PLAGL1: variants seen among roughly 807,000 people sequenced by gnomAD.
PLAGL1 encodes zinc finger protein PLAGL1.
Under a neutral mutation model 4.6 loss-of-function variants are expected in PLAGL1, and 1 was observed. That is an observed-to-expected ratio of 0.22 (90% confidence interval 0.08 to 1.03). The LOEUF (loss-of-function observed/expected upper bound fraction) is 1.03. Ranked by LOEUF, PLAGL1 falls within the 50% of genes least tolerant of loss-of-function variation. The probability of loss-of-function intolerance (pLI) is 0.58; values close to 1 mark genes in which losing one functional copy is unlikely to be tolerated. For synonymous variants in PLAGL1, 240 were observed against 237.8 expected (o/e 1.01, Z -0.08); for missense variants, 464 against 570.4 (o/e 0.81, Z 1.90).
Position 143,941,435 on chromosome 6 carries a change from C to A in PLAGL1, c.1381G>T (p.Ala461Ser). The change falls in exon 8 of 8, where the codon GCA becomes TCA. Residue 461 changes from alanine to serine, a missense_variant. By Grantham distance (99) the Ala-to-Ser change is moderately conservative. Coordinates refer to ENST00000674357, the MANE Select transcript of PLAGL1 (RefSeq NM_001317162.2). This position sits in a 1 kb window ranked among gnomAD's most constrained non-coding sequence, Gnocchi z 6.0. Reference sequence around the variant, plus strand: ...ACTTTAAAAATCAATTATCTGAATGCATGATGGAAATGAGGCAGGATGGCA... The same window carrying A: ...ACTTTAAAAATCAATTATCTGAATGAATGATGGAAATGAGGCAGGATGGCA... ...GSAILPHFHH[A>S]FR 1 of 1,499,236 alleles carries A rather than the reference C, an allele frequency of 6.7e-7. No individual in the cohort carries two copies. Among genetic ancestry groups the A allele is most frequent in the East Asian group, 2.3e-5 (1 of 43,356 alleles). The allele number at this position is 1,499,236 out of a possible 1,614,324, so 92.9% of individuals were successfully genotyped here.
At chr6:144,062,370 C>G (rs1366146892) in intron 1 of PLAGL1, among the ~76,000 whole-genome samples, 1 of 145,214 alleles carries the variant, frequency 6.9e-6, no homozygotes, top group African/African-American at 2.6e-5. Context: ...GAGTGAGACT[C>G]CGTCTCAAAC....
intron 2 of PLAGL1, among the ~76,000 whole-genome samples, chr6:143,977,275 T>C (rs1235969230): frequency 6.6e-6 from 1 of 152,112 alleles, no homozygotes; most frequent in Non-Finnish European, 1.5e-5. Context: ...TATAACATCA[T>C]ACAGAGAAGT....
rs767350739 is a variant in PLAGL1 at position 143,950,301 on chromosome 6, C to T, written c.-324-1841G>A. The stretch of plus-strand genomic sequence containing the variant: ...TACCTGTCCCGGCTCTGCCCAAACC[C>T]CTTTCCCCCAACCCCTGGTTCCCTT... On this transcript the variant is annotated intron_variant, in intron 6 of 7. Transcript: ENST00000674357. This position sits in a 1 kb window ranked among gnomAD's most constrained non-coding sequence, Gnocchi z 6.3. 6.6e-6 allele frequency among the ~76,000 whole-genome samples: 1 copy of T among 152,158 alleles called. No homozygotes were observed. The highest frequency in any genetic ancestry group is 1.5e-5 in the Non-Finnish European group (1 of 68,024).
intron 1 of PLAGL1, among the ~76,000 whole-genome samples, chr6:144,038,586 G>A (rs1005428128): frequency 1.3e-5 from 2 of 151,916 alleles, no homozygotes; most frequent in African/African-American, 4.8e-5. Flanking sequence ...GGAAAGAATA[G>A]TTTTTTTTCA....
At position 143,966,313 on chromosome 6, in the gene PLAGL1, T is replaced by C. The variant is rs1183665588; in HGVS notation, c.-471-115A>G. Reference sequence around the variant, plus strand: ...GAGAGAGCAGACATACAGATTATCCTCCTGGATTTATCAGTTATATACATT... The same window carrying C: ...GAGAGAGCAGACATACAGATTATCCCCCTGGATTTATCAGTTATATACATT... On this transcript the variant is annotated intron_variant, in intron 3 of 7. Coordinates refer to ENST00000674357, the MANE Select transcript of PLAGL1 (RefSeq NM_001317162.2). This position sits in a 1 kb window ranked among gnomAD's most constrained non-coding sequence, Gnocchi z 6.0. The C allele has an allele frequency of 6.6e-6, 1 of 152,210 alleles. No homozygotes were observed. Among genetic ancestry groups the C allele is most frequent in the African/African-American group, 2.4e-5 (1 of 41,452 alleles). The allele number at this position is 152,210 out of a possible 1,614,324, so 9.4% of individuals were successfully genotyped here. A position where few individuals can be genotyped will look rare whatever the true frequency, so the allele number is the denominator to read the frequency against.
At position 143,958,682 on chromosome 6, in the gene PLAGL1, A is replaced by G. The variant is rs1782694858; in HGVS notation, c.-325+1787T>C. Among the ~76,000 whole-genome samples the G allele has an allele frequency of 6.6e-6, 1 of 152,260 alleles. No homozygotes were observed. On this transcript the variant is annotated intron_variant, in intron 6 of 7. Coordinates refer to ENST00000674357, the MANE Select transcript of PLAGL1 (RefSeq NM_001317162.2). The surrounding 1 kb of genome is among the most constrained non-coding windows in gnomAD (Gnocchi z 5.1). ...GTTAATTTGAGAAATAAAAATATTT[A>G]TCACTGGTCCTTTAAGATTATCCTG...
At chr6:144,002,729 GTGTAAGTCCTC>G (rs1793175214) in intron 1 of PLAGL1, among the ~76,000 whole-genome samples, 1 of 152,052 alleles carries the variant, frequency 6.6e-6, no homozygotes, top group African/African-American at 2.4e-5. Context: ...ATTGAACAAT[GTGTAAGTCCTC>G]TATACTGAAT....
chr6:144,021,911 C>T (rs1404823021), intron 1 of PLAGL1, among the ~76,000 whole-genome samples: 1 of 152,138 alleles, frequency 6.6e-6, no homozygotes. Context: ...GATACTGGCT[C>T]TCTGGGAAGT....
intron 1 of PLAGL1, among the ~76,000 whole-genome samples, chr6:144,038,817 G>A (rs373450425): frequency 6.6e-6 from 1 of 152,082 alleles, no homozygotes; most frequent in Admixed American, 6.6e-5. Flanking sequence ...TGACTGCCTA[G>A]GGCTAAAAGT....
At position 143,966,676 on chromosome 6, in the gene PLAGL1, A is replaced by T. The variant is rs996148413; in HGVS notation, c.-471-478T>A. 8.5e-5 allele frequency: 13 copies of T among 152,200 alleles called. No homozygotes were observed. Among genetic ancestry groups the T allele is most frequent in the Admixed American group, 5.9e-4 (9 of 15,284 alleles). 9.4% of individuals were successfully genotyped at this position (152,200 alleles called of 1,614,324 possible). On this transcript the variant is annotated intron_variant, in intron 3 of 7. Transcript: ENST00000674357. The surrounding 1 kb of genome is among the most constrained non-coding windows in gnomAD (Gnocchi z 6.0). ...TACCTTGGTAAATGCCACATCATGG[A>T]TCAATTAAGTTATTCCCCAAATAAA...
In PLAGL1 at chr6:143,947,973, A is replaced by G; in HGVS notation, c.152+12T>C. 1 of 1,611,314 alleles carries G rather than the reference A, an allele frequency of 6.2e-7. No homozygotes were observed. ...ACTTCTAAAAGTGCATACCTTTGCC[A>G]AAGCCTCTCACCTCATCAATTTATA... On this transcript the variant is annotated intron_variant, in intron 7 of 7. Transcript: ENST00000674357. The surrounding 1 kb of genome is among the most constrained non-coding windows in gnomAD (Gnocchi z 4.3).
At chr6:144,062,470 CAAA>C (rs543521128) in intron 1 of PLAGL1, among the ~76,000 whole-genome samples, 6,559 of 75,712 alleles carry the variant, frequency 0.087, 105 homozygotes, top group Middle Eastern at 0.13. Flanking sequence ...GTTATCAGAC[CAAA>C]AAAAAAAAAA....
rs1799228139 is a variant in PLAGL1 at position 144,059,469 on chromosome 6, A to G, written c.-151+4999T>C. ...AACAAAGCATCAAAGTCCTCTCCAG[A>G]TACCTCCTCTCAATTCCCTTTCCTG... On this transcript the variant is annotated intron_variant, in intron 1 of 3. Coordinates refer to the PLAGL1 transcript ENST00000437412. The surrounding 1 kb of genome is among the most constrained non-coding windows in gnomAD (Gnocchi z 4.9). Among the ~76,000 whole-genome samples the G allele has an allele frequency of 6.6e-6, 1 of 152,186 alleles. No individual in the cohort carries two copies. Among genetic ancestry groups the G allele is most frequent in the Non-Finnish European group, 1.5e-5 (1 of 68,022 alleles).
Position 143,955,508 on chromosome 6 carries a change from G to A in PLAGL1, c.-325+4961C>T, listed in dbSNP as rs577281109. Among the ~76,000 whole-genome samples, 4 of 152,280 alleles carry A rather than the reference G, an allele frequency of 2.6e-5. No homozygotes were observed. The highest frequency in any genetic ancestry group is 6.5e-5 in the Admixed American group (1 of 15,298). On this transcript the variant is annotated intron_variant, in intron 6 of 7. Transcript: ENST00000674357. The surrounding 1 kb of genome is among the most constrained non-coding windows in gnomAD (Gnocchi z 4.9). ...CAGTGAGGAGGGCGGGAAGAGAAGA[G>A]GTAGAAATAGGTAGAGAATGCCAAT... is the stretch of plus-strand genomic sequence containing the variant.
chr6:143,957,568 C>T lies in PLAGL1; in HGVS notation c.-325+2901G>A, dbSNP rs781113697. The stretch of plus-strand genomic sequence containing the variant: ...ACCAGAACTCTAATTAGCAGCAGGA[C>T]CTATTATTTTTCCAATAAGGTTAAC... On this transcript the variant is annotated intron_variant, in intron 6 of 7. Coordinates refer to ENST00000674357, the MANE Select transcript of PLAGL1 (RefSeq NM_001317162.2). This position sits in a 1 kb window ranked among gnomAD's most constrained non-coding sequence, Gnocchi z 4.2. 1.5e-4 allele frequency among the ~76,000 whole-genome samples: 23 copies of T among 152,102 alleles called. No individual in the cohort carries two copies. The highest frequency in any genetic ancestry group is 2.9e-4 in the Non-Finnish European group (20 of 68,028).
In PLAGL1 at chr6:143,947,092, G is replaced by A. The variant is rs1779956886; in HGVS notation, c.152+893C>T. Among the ~76,000 whole-genome samples the A allele has an allele frequency of 6.6e-6, 1 of 152,172 alleles. No homozygotes were observed. The highest frequency in any genetic ancestry group is 2.4e-5 in the African/African-American group (1 of 41,434). The stretch of plus-strand genomic sequence containing the variant: ...TAGACTAAATGTAATTTTTTAAAAA[G>A]ACTCATCTGCTAAAACAGTGCTTTT... On this transcript the variant is annotated intron_variant, in intron 7 of 7. Transcript: ENST00000674357. This position sits in a 1 kb window ranked among gnomAD's most constrained non-coding sequence, Gnocchi z 4.3.
Position 143,954,226 on chromosome 6 carries a change from A to G in PLAGL1, c.-324-5766T>C. Among the ~76,000 whole-genome samples, 1 of 152,238 alleles carries G rather than the reference A, an allele frequency of 6.6e-6. No homozygotes were observed. The highest frequency in any genetic ancestry group is 1.5e-5 in the Non-Finnish European group (1 of 68,038). ...TTACTGGCTTGACTCACAAATTAGT[A>G]GGCCAAGGATCACCAGAAATCAGAG... On this transcript the variant is annotated intron_variant, in intron 6 of 7. Transcript: ENST00000674357. This position sits in a 1 kb window ranked among gnomAD's most constrained non-coding sequence, Gnocchi z 5.1.
At position 143,983,836 on chromosome 6, in the gene PLAGL1, T is replaced by G. The variant is rs1230020626; in HGVS notation, c.-544+1299A>C. Among the ~76,000 whole-genome samples, 1 of 152,126 alleles carries G rather than the reference T, an allele frequency of 6.6e-6. No individual in the cohort carries two copies. The highest frequency in any genetic ancestry group is 1.5e-5 in the Non-Finnish European group (1 of 68,020). On this transcript the variant is annotated intron_variant, in intron 2 of 7. Coordinates refer to ENST00000674357, the MANE Select transcript of PLAGL1 (RefSeq NM_001317162.2). The surrounding 1 kb of genome is among the most constrained non-coding windows in gnomAD (Gnocchi z 6.6). ...CAAGATCATGGAGTGAGAGCAGTTC[T>G]TATTAATGACTAGGCCCACAGTATG...
rs991661628 is a variant in PLAGL1 at position 143,958,353 on chromosome 6, C to A, written c.-325+2116G>T. On this transcript the variant is annotated intron_variant, in intron 6 of 7. Coordinates refer to ENST00000674357, the MANE Select transcript of PLAGL1 (RefSeq NM_001317162.2). This position sits in a 1 kb window ranked among gnomAD's most constrained non-coding sequence, Gnocchi z 5.1. ...GAACCCAAGACCAAATCGGATTACC[C>A]TAGACACAAATTTGATGGGCAGTTT... Among the ~76,000 whole-genome samples the A allele has an allele frequency of 1.2e-4, 18 of 152,182 alleles. No individual in the cohort carries two copies. The highest frequency in any genetic ancestry group is 3.9e-4 in the African/African-American group (16 of 41,446).
Sources: gnomAD v4.1 joint callset for allele counts (sites outside exome capture counted in the v4.1 genomes callset) on GRCh38, gnomAD v4.1.1 for gene constraint, Gnocchi (gnomAD v3.1) non-coding constraint, MANE v1.5 for transcripts, NCBI Gene and HGNC (gene_info 2026-07-23, HGNC 2026-07-21) for gene names.